The following GABPB1 variants were observed in gnomAD, a reference collection of about 807,000 sequenced individuals.
GABPB1 encodes the protein GA-binding protein subunit beta-1.
In GABPB1, 15 loss-of-function variants were observed where a neutral mutation model predicts 45.9. That is an observed-to-expected ratio of 0.33 (90% CI 0.22 to 0.50). The LOEUF (loss-of-function observed/expected upper bound fraction) is 0.50. GABPB1 is among the 20% of genes least tolerant of loss of function. The pLI is 0.98. For missense variants in GABPB1, 252 were observed against 457.5 expected (o/e 0.55, Z 4.10); for synonymous variants, 143 against 154.4 (o/e 0.93, Z 0.55).
chr15:50,281,536 T>A (rs2045979973), intron 8 of GABPB1, among the ~76,000 whole-genome samples: 1 of 152,188 alleles, frequency 6.6e-6, no homozygotes, highest in Non-Finnish European at 1.5e-5. Flanking sequence ...AGAGAGAAAC[T>A]GGGCAGGATA....
chr15:50,340,547 C>CA (rs397853899), intron 1 of GABPB1, among the ~76,000 whole-genome samples: 110 of 110,728 alleles, frequency 9.9e-4, no homozygotes, highest in South Asian at 1.9e-3. Context: ...CTATAATCAC[C>CA]AAAAAAAAAA....
intron 1 of GABPB1, among the ~76,000 whole-genome samples, chr15:50,322,855 G>A (rs1414666084): frequency 6.6e-6 from 1 of 151,594 alleles, no homozygotes; most frequent in Non-Finnish European, 1.5e-5. Context: ...GGCAAAACCT[G>A]GTCTCTACAA....
chr15:50,293,291 C>T (rs185891831), intron 6 of GABPB1, among the ~76,000 whole-genome samples: 417 of 151,810 alleles, frequency 2.7e-3, no homozygotes, highest in Non-Finnish European at 3.9e-3. Context: ...TTTTTTAAGG[C>T]AGGAAAAATA....
intron 1 of GABPB1, among the ~76,000 whole-genome samples, chr15:50,343,338 G>A (rs1181115871): frequency 6.6e-6 from 1 of 151,238 alleles, no homozygotes; most frequent in Non-Finnish European, 1.5e-5. Flanking sequence ...CTCCCCCTTA[G>A]TCACTGTGCT....
At chr15:50,291,475 C>T (rs1270965988) in intron 6 of GABPB1, among the ~76,000 whole-genome samples, 2 of 151,656 alleles carry the variant, frequency 1.3e-5, no homozygotes, top group South Asian at 2.1e-4. Flanking sequence ...TGTGCCACCA[C>T]GCCTGGTAAT....
chr15:50,292,944 A>G (rs2046398968), intron 6 of GABPB1, among the ~76,000 whole-genome samples: 1 of 152,056 alleles, frequency 6.6e-6, no homozygotes, highest in Non-Finnish European at 1.5e-5. Context: ...TGAAAGTTAT[A>G]CAGGTTCATC....
intron 1 of GABPB1, among the ~76,000 whole-genome samples, chr15:50,336,353 CAAAAA>C (rs1178314012): frequency 8.6e-6 from 1 of 115,898 alleles, no homozygotes; most frequent in Non-Finnish European, 1.7e-5. Flanking sequence ...GACTCTGTCC[CAAAAA>C]AAAAAAAAAA....
chr15:50,331,546 T>C (rs1344959875), intron 1 of GABPB1, among the ~76,000 whole-genome samples: 1 of 152,212 alleles, frequency 6.6e-6, no homozygotes, highest in Non-Finnish European at 1.5e-5. Flanking sequence ...CTGGATCACA[T>C]AGAACCTTAT....
intron 1 of GABPB1, among the ~76,000 whole-genome samples, chr15:50,342,879 G>A (rs76362179): frequency 0.062 from 9,403 of 152,202 alleles, 838 homozygotes; most frequent in African/African-American, 0.2. Flanking sequence ...CTTCAATGAA[G>A]GACTTAACAT....
intron 6 of GABPB1, among the ~76,000 whole-genome samples, chr15:50,293,274 C>T (rs1165526260): frequency 6.6e-6 from 1 of 152,006 alleles, no homozygotes; most frequent in Non-Finnish European, 1.5e-5. Context: ...AATATAGGAA[C>T]TGCTTTTTTT....
At chr15:50,307,692 A>C in intron 2 of GABPB1, among the ~76,000 whole-genome samples, 1 of 127,244 alleles carries the variant, frequency 7.9e-6, no homozygotes. Flanking sequence ...ACAGTGTGAG[A>C]CTCCATCTCA....
chr15:50,306,041 C>G (rs1307680571), intron 2 of GABPB1, among the ~76,000 whole-genome samples: 1 of 151,952 alleles, frequency 6.6e-6, no homozygotes, highest in African/African-American at 2.4e-5. Flanking sequence ...GTGGAGCTAT[C>G]GTAGCTCACT....
chr15:50,301,670 G>A (rs1050890167), intron 4 of GABPB1, among the ~76,000 whole-genome samples: 1 of 152,198 alleles, frequency 6.6e-6, no homozygotes, highest in Non-Finnish European at 1.5e-5. Context: ...GCAGGTGCCT[G>A]TAATCCCAGC....
intron 8 of GABPB1, among the ~76,000 whole-genome samples, chr15:50,282,902 A>G (rs1366095596): frequency 6.6e-6 from 1 of 152,170 alleles, no homozygotes; most frequent in Non-Finnish European, 1.5e-5. Flanking sequence ...CAAAAATACA[A>G]GAATTACCCA....
chr15:50,332,599 AAAT>A (rs1310702281), intron 1 of GABPB1, among the ~76,000 whole-genome samples: 2 of 152,268 alleles, frequency 1.3e-5, no homozygotes, highest in Non-Finnish European at 2.9e-5. Flanking sequence ...TTTATGGGTT[AAAT>A]AATGTGATTG....
Position 50,286,133 on chromosome 15 carries a change from C to G in GABPB1, c.934G>C (p.Glu312Gln). 6.2e-7 allele frequency: 1 copy of G among 1,610,386 alleles called. No homozygotes were observed. The highest frequency in any genetic ancestry group is 8.5e-7 in the Non-Finnish European group (1 of 1,178,108). The change falls in exon 8 of 9, where the codon GAA (glutamate) becomes CAA (glutamine). Residue 312 changes from glutamate (E) to glutamine (Q), a missense_variant. Coordinates refer to ENST00000380877, the MANE Select transcript of GABPB1 (RefSeq NM_016654.5). ...DIAEETVISEEPPAKRQCIEI... is the reference protein window; with the variant it reads ...DIAEETVISEQPPAKRQCIEI... ...ATACATTGTCTCTTAGCTGGTGGTT[C>G]TTCACTTATAACAGTTTCTTCAGCA...
chr15:50,311,084 A>G (rs1452591265), intron 1 of GABPB1, among the ~76,000 whole-genome samples: 1 of 152,078 alleles, frequency 6.6e-6, no homozygotes, highest in Non-Finnish European at 1.5e-5. Context: ...GTGTGTATGT[A>G]TTTGTGTCTT....
intron 8 of GABPB1, chr15:50,282,424 G>C (rs11635546): frequency 2.7e-6 from 1 of 374,400 alleles, no homozygotes. Flanking sequence ...AAACTTAGCC[G>C]GGTATAGCGG....
intron 1 of GABPB1, among the ~76,000 whole-genome samples, chr15:50,312,489 C>T (rs2047167217): frequency 2.0e-5 from 3 of 152,052 alleles, no homozygotes; most frequent in Non-Finnish European, 2.9e-5. Flanking sequence ...GGCATTTTTT[C>T]CTAGATAATA....
Sources: allele counts gnomAD v4.1 joint callset (sites outside exome capture counted in the v4.1 genomes callset), GRCh38; gene constraint gnomAD v4.1.1; transcripts MANE v1.5; gene names NCBI Gene and HGNC (gene_info 2026-07-23, HGNC 2026-07-21).